The following STX18 variants were observed in gnomAD, a reference collection of about 807,000 sequenced individuals.
The protein encoded by STX18 is syntaxin 18, also known as syntaxin-18.
STX18 carries 40 observed loss-of-function variants against 50.1 expected under a neutral mutation model. The observed-to-expected ratio is 0.80, with a 90% CI of 0.62 to 1.04. The LOEUF (loss-of-function observed/expected upper bound fraction) is 1.04, where lower values mean the gene tolerates loss of function less well. Ranked by LOEUF, STX18 falls within the 50% of genes least tolerant of loss-of-function variation. The probability of loss-of-function intolerance (pLI) is 0.00; values close to 1 mark genes in which losing one functional copy is unlikely to be tolerated. For missense variants in STX18, 410 were observed against 415.8 expected, an observed-to-expected ratio of 0.99 and a Z score of 0.12; for synonymous variants, 158 against 151.8, an observed-to-expected ratio of 1.04 and a Z score of -0.30.
rs35215546 is a variant in STX18 at position 4,419,848 on chromosome 4, T to TG, written c.*185dup. Reference sequence around the variant, plus strand: ...ACTGTTTCCTTTTTCAGCTGCTAAATGGCTGAACACCATCGGCCTGGGGTA... The same window carrying TG: ...ACTGTTTCCTTTTTCAGCTGCTAAATGGGCTGAACACCATCGGCCTGGGGTA... On this transcript the variant is annotated 3_prime_UTR_variant, in exon 11 of 11. Transcript: ENST00000306200. 0.26 allele frequency: 149,198 copies of TG among 572,518 alleles called. 26,194 individuals are homozygous for TG. The highest frequency in any genetic ancestry group is 0.7 in the African/African-American group (37,393 of 53,076). 35.5% of individuals were successfully genotyped at this position (572,518 alleles called of 1,614,324 possible). A position where few individuals can be genotyped will look rare whatever the true frequency, so the allele number is the denominator to read the frequency against.
At chr4:4,438,209 C>A (rs940881114) in intron 6 of STX18, among the ~76,000 whole-genome samples, 185 bp downstream of exon 6, 2 of 152,266 alleles carry the variant, frequency 1.3e-5, no homozygotes, top group African/African-American at 4.8e-5. Context: ...CACCCCCTGC[C>A]TCTGTGGCAC....
intron 1 of STX18, among the ~76,000 whole-genome samples, chr4:4,518,153 T>C (rs1324991168): frequency 6.6e-6 from 1 of 152,220 alleles, no homozygotes; most frequent in East Asian, 1.9e-4. Context: ...AAATCTATTA[T>C]AAATGTGTTA....
chr4:4,493,173 G>C (rs555823642), intron 1 of STX18, among the ~76,000 whole-genome samples: 14 of 152,248 alleles, frequency 9.2e-5, no homozygotes, highest in African/African-American at 3.4e-4. Flanking sequence ...TCTTTGGAGA[G>C]GCCTGAAATA....
intron 1 of STX18, among the ~76,000 whole-genome samples, chr4:4,532,235 T>C (rs2108925209): frequency 6.6e-6 from 1 of 152,348 alleles, no homozygotes; most frequent in Non-Finnish European, 1.5e-5. Flanking sequence ...AACACCAGAA[T>C]TTTAACTATG....
intron 1 of STX18, among the ~76,000 whole-genome samples, chr4:4,519,314 T>G (rs1385028802): frequency 6.6e-6 from 1 of 152,152 alleles, no homozygotes; most frequent in African/African-American, 2.4e-5. Flanking sequence ...TCATCTATTT[T>G]TAATAAGAGA....
intron 1 of STX18, chr4:4,507,599 G>A: frequency 1.3e-6 from 1 of 764,142 alleles, no homozygotes; most frequent in Non-Finnish European, 2.4e-6. Flanking sequence ...TTGAGGACTT[G>A]ATCTTCCCAA....
chr4:4,525,210 G>A (rs1730695138), intron 1 of STX18, among the ~76,000 whole-genome samples: 1 of 152,218 alleles, frequency 6.6e-6, no homozygotes, highest in South Asian at 2.1e-4. Flanking sequence ...TTAATCTGGA[G>A]AAAGCAAATC....
At chr4:4,542,290 G>A, upstream of STX18, 1 of 243,230 alleles carries the variant, frequency 4.1e-6, no homozygotes, top group Non-Finnish European at 7.8e-6. Context: ...CTCCGGGAGC[G>A]TGAGGACCGG....
chr4:4,425,359 G>C, intron 7 of STX18, 137 bp from the exon 8 acceptor site: 1 of 746,632 alleles, frequency 1.3e-6, no homozygotes, highest in Non-Finnish European at 2.4e-6. Context: ...GCCGGTGCTG[G>C]ACGACCGTTA....
chr4:4,507,594 G>C, intron 1 of STX18: 1 of 763,800 alleles, frequency 1.3e-6, no homozygotes, highest in South Asian at 1.4e-5. Flanking sequence ...AAGCCTTGAG[G>C]ACTTGATCTT....
At chr4:4,466,111 T>C (rs1011924479) in intron 2 of STX18, among the ~76,000 whole-genome samples, 3 of 152,024 alleles carry the variant, frequency 2.0e-5, no homozygotes, top group Admixed American at 6.5e-5. Flanking sequence ...AAAAGTACCA[T>C]AAGAAAAGCA....
intron 2 of STX18, among the ~76,000 whole-genome samples, chr4:4,471,417 T>A (rs1031393019): frequency 6.6e-6 from 1 of 152,212 alleles, no homozygotes; most frequent in Non-Finnish European, 1.5e-5. Flanking sequence ...CATAGAGAGA[T>A]ACAAATAGAC....
chr4:4,475,171 T>C (rs1728116581), intron 1 of STX18, among the ~76,000 whole-genome samples: 2 of 152,212 alleles, frequency 1.3e-5, no homozygotes, highest in Admixed American at 6.5e-5. Flanking sequence ...ATAATTATTA[T>C]ACAAGAGGTT....
chr4:4,425,438 T>A lies in STX18; in HGVS notation c.703-216A>T. ...AAAAACAGCTGTGCTGCCTGGTAAT[T>A]GACTTCTCCATCTCAACCACTGCAC... On this transcript the variant is annotated intron_variant, in intron 7 of 10. Transcript: ENST00000306200. 36 of 602,348 alleles carry A rather than the reference T, an allele frequency of 6.0e-5. 1 individual carries two copies. The South Asian group carries it at 7.1e-4, about 12-fold the overall frequency. The allele number at this position is 602,348 out of a possible 1,614,324, so 37.3% of individuals were successfully genotyped here.
In STX18 at chr4:4,461,261, T is replaced by C. The variant is rs371224543; in HGVS notation, c.237-1774A>G. Among the ~76,000 whole-genome samples, 13 of 152,218 alleles carry C rather than the reference T, an allele frequency of 8.5e-5. No individual in the cohort carries two copies. In the East Asian group the frequency reaches 2.5e-3, roughly 29 times the overall value. The stretch of plus-strand genomic sequence containing the variant: ...AAAATTGACAGTATGGTTATTCTAT[T>C]AGTAAGAACAACAGAAACCAAGGAA... On this transcript the variant is annotated intron_variant, in intron 2 of 10. Coordinates refer to ENST00000306200, the MANE Select transcript of STX18 (RefSeq NM_016930.4).
intron 8 of STX18, 53 bp downstream of exon 8, chr4:4,425,110 TC>T: frequency 6.5e-7 from 1 of 1,532,530 alleles, no homozygotes; most frequent in Non-Finnish European, 9.0e-7. Context: ...AGTTCCTAGT[TC>T]CTGGAAAAGT....
In STX18 at chr4:4,473,219, A is replaced by C. The variant is rs570457977; in HGVS notation, c.169-1513T>G. 2.8e-4 allele frequency among the ~76,000 whole-genome samples: 42 copies of C among 152,036 alleles called. No individual in the cohort carries two copies. The South Asian group carries it at 7.5e-3, about 27-fold the overall frequency. On this transcript the variant is annotated intron_variant, in intron 1 of 10. Coordinates refer to ENST00000306200, the MANE Select transcript of STX18 (RefSeq NM_016930.4). ...TGAGTCCAAATTCAGCGTGTTTCCC[A>C]GTGCACCACCATGCCTGCCTGCCTT...
At chr4:4,529,298 C>G (rs1025669882) in intron 1 of STX18, among the ~76,000 whole-genome samples, 6 of 152,124 alleles carry the variant, frequency 3.9e-5, no homozygotes, top group Non-Finnish European at 7.4e-5. Flanking sequence ...GGAGGCGGAG[C>G]TTGCAGTGAA....
At chr4:4,498,888 C>CA (rs1729312563) in intron 1 of STX18, among the ~76,000 whole-genome samples, 1 of 152,104 alleles carries the variant, frequency 6.6e-6, no homozygotes, top group Non-Finnish European at 1.5e-5. Flanking sequence ...ATAAGTAAGA[C>CA]ATCACCTGTT....
Sources: allele counts gnomAD v4.1 joint callset (sites outside exome capture counted in the v4.1 genomes callset), GRCh38; gene constraint gnomAD v4.1.1; transcripts MANE v1.5; gene names NCBI Gene and HGNC (gene_info 2026-07-23, HGNC 2026-07-21).